The following ADGRD1 variants were observed in gnomAD, a reference collection of about 807,000 sequenced individuals.
ADGRD1 encodes the protein adhesion G protein-coupled receptor D1, also known as G-protein coupled receptor 133.
Under a neutral mutation model 113.4 loss-of-function variants are expected in ADGRD1, and 77 were observed. The observed-to-expected ratio is 0.68, with a 90% CI of 0.57 to 0.82. The LOEUF is 0.82. ADGRD1 is among the 40% of genes least tolerant of loss of function. ADGRD1 has a pLI of 0.00. For missense variants in ADGRD1, 1,036 were observed against 1,139.1 expected, an observed-to-expected ratio of 0.91 and a Z score of 1.30; for synonymous variants, 474 against 475.0, an observed-to-expected ratio of 1.00 and a Z score of 0.03.
chr12:130,981,059 C>G (rs1872924021), intron 4 of ADGRD1: 1 of 152,222 alleles, frequency 6.6e-6, no homozygotes, highest in Non-Finnish European at 1.5e-5. Context: ...CCCTCTGTAT[C>G]CAACTGCGGG....
At chr12:130,979,558 A>G (rs183175248) in intron 4 of ADGRD1, among the ~76,000 whole-genome samples, 7 of 152,210 alleles carry the variant, frequency 4.6e-5, no homozygotes, top group Admixed American at 4.6e-4. Flanking sequence ...GACTGTGTCC[A>G]TAACCTCATG....
At chr12:131,004,047 A>G in intron 10 of ADGRD1, 139 bp from the exon 11 acceptor site, 1 of 405,612 alleles carries the variant, frequency 2.5e-6, no homozygotes, top group East Asian at 3.9e-5. Context: ...TTTTGAGGCC[A>G]TGCTTTCTAA....
intron 15 of ADGRD1, among the ~76,000 whole-genome samples, chr12:131,095,192 G>A (rs1315924230): frequency 6.6e-6 from 1 of 152,230 alleles, no homozygotes; most frequent in Non-Finnish European, 1.5e-5. Flanking sequence ...CCTGCACTTC[G>A]AGGTGGAGCA....
rs775934444 is a variant in ADGRD1 at position 130,954,442 on chromosome 12, C to T, written c.-24C>T. 27 of 1,527,568 alleles carry T rather than the reference C, an allele frequency of 1.8e-5. No homozygotes were observed. The highest frequency in any genetic ancestry group is 2.1e-5 in the Non-Finnish European group (24 of 1,139,136). The allele number at this position is 1,527,568 out of a possible 1,614,324, so 94.6% of individuals were successfully genotyped here. On this transcript the variant is annotated 5_prime_UTR_variant, in exon 1 of 25. Coordinates refer to ENST00000261654, the MANE Select transcript of ADGRD1 (RefSeq NM_198827.5). This position sits in a 1 kb window ranked among gnomAD's most constrained non-coding sequence, Gnocchi z 4.7. ...GACCCTCAGGAATTTCACTTGGCTC[C>T]GAGCTTTGACCTCCGAGAGAGCCAT... is the stretch of plus-strand genomic sequence containing the variant.
At chr12:131,052,586 G>A (rs764171718) in intron 13 of ADGRD1, among the ~76,000 whole-genome samples, 94 of 152,136 alleles carry the variant, frequency 6.2e-4, no homozygotes, top group Admixed American at 9.8e-4. Context: ...AGGAGCAGTC[G>A]GGGGGGCATA....
rs573812872 is a variant in ADGRD1 at position 131,131,975 on chromosome 12, C to T, written c.2267+159C>T. Among the ~76,000 whole-genome samples, 393 of 152,342 alleles carry T rather than the reference C, an allele frequency of 2.6e-3. 2 individuals carry two copies. The highest frequency in any genetic ancestry group is 8.9e-3 in the African/African-American group (369 of 41,580). On this transcript the variant is annotated intron_variant, in intron 21 of 24. Transcript: ENST00000261654. ...CCATCTCAGGGCAGCTCTGGTTTCA[C>T]GCCCTCGCTTGGCTCTCGTGACCCA... is the stretch of plus-strand genomic sequence containing the variant.
At chr12:131,074,067 T>C (rs1885390335) in intron 13 of ADGRD1, among the ~76,000 whole-genome samples, 1 of 152,092 alleles carries the variant, frequency 6.6e-6, no homozygotes, top group African/African-American at 2.4e-5. Context: ...CTATCATGAG[T>C]ATCAAATTTT....
intron 15 of ADGRD1, among the ~76,000 whole-genome samples, chr12:131,086,752 C>A (rs1291624415): frequency 6.6e-6 from 1 of 152,242 alleles, no homozygotes; most frequent in African/African-American, 2.4e-5. Context: ...CGCGTATGAG[C>A]CTCACTCTGC....
chr12:131,138,738 G>A lies in ADGRD1; in HGVS notation c.2530-430G>A, dbSNP rs566050079. ...CTGTGTGATTTTCCATTTGCTTAGG[G>A]ACCACGTCTGCCCTGCTCCATGGGA... is the stretch of plus-strand genomic sequence containing the variant. On this transcript the variant is annotated intron_variant, in intron 24 of 24. Transcript: ENST00000261654. Among the ~76,000 whole-genome samples, 19 of 152,360 alleles carry A rather than the reference G, an allele frequency of 1.2e-4. No homozygotes were observed. The Middle Eastern group carries it at 0.017, about 136-fold the overall frequency.
chr12:130,994,836 C>A (rs1307044744), intron 8 of ADGRD1, among the ~76,000 whole-genome samples: 1 of 152,188 alleles, frequency 6.6e-6, no homozygotes, highest in Non-Finnish European at 1.5e-5. Flanking sequence ...CGGGCATTGC[C>A]CCTGCCCTCG....
In ADGRD1 at chr12:131,016,222, A is replaced by G. The variant is rs184427227; in HGVS notation, c.1473+1882A>G. ...TCAGCTCTGTATGCTATAATCATTT[A>G]TGCTAATCAGTAATCCCTTAAATGG... On this transcript the variant is annotated intron_variant, in intron 13 of 24. Transcript: ENST00000261654. Among the ~76,000 whole-genome samples, 222 of 152,350 alleles carry G rather than the reference A, an allele frequency of 1.5e-3. 1 individual carries two copies. The highest frequency in any genetic ancestry group is 2.4e-3 in the Non-Finnish European group (161 of 68,038).
At position 130,966,774 on chromosome 12, in the gene ADGRD1, G is replaced by A. The variant is rs1247933778; in HGVS notation, c.187+228G>A. ...TGAACAAATACTTGTGTAACTTCCCGTAATAGTTATTTCAAAGCTTTTTTT... is the reference window on the plus strand; with the variant it reads ...TGAACAAATACTTGTGTAACTTCCCATAATAGTTATTTCAAAGCTTTTTTT... On this transcript the variant is annotated intron_variant, in intron 3 of 24. Coordinates refer to ENST00000261654, the MANE Select transcript of ADGRD1 (RefSeq NM_198827.5). The surrounding 1 kb of genome is among the most constrained non-coding windows in gnomAD (Gnocchi z 4.6). 5 of 521,282 alleles carry A rather than the reference G, an allele frequency of 9.6e-6. No individual in the cohort carries two copies. Among genetic ancestry groups the A allele is most frequent in the Admixed American group, 3.4e-5 (1 of 29,268 alleles). The allele number at this position is 521,282 out of a possible 1,614,324, so 32.3% of individuals were successfully genotyped here.
At chr12:130,999,532 G>T (rs1024086091) in intron 8 of ADGRD1, among the ~76,000 whole-genome samples, 1 of 152,204 alleles carries the variant, frequency 6.6e-6, no homozygotes, top group Non-Finnish European at 1.5e-5. Flanking sequence ...GAGGAAGAAC[G>T]TGAGTATTCT....
At chr12:130,963,732 A>G (rs1245520905) in intron 2 of ADGRD1, among the ~76,000 whole-genome samples, 2 of 152,210 alleles carry the variant, frequency 1.3e-5, no homozygotes, top group Non-Finnish European at 2.9e-5. Flanking sequence ...TGATACTATT[A>G]AAAAATTCTA....
At chr12:131,037,425 C>T (rs1881619816) in intron 13 of ADGRD1, among the ~76,000 whole-genome samples, 1 of 144,312 alleles carries the variant, frequency 6.9e-6, no homozygotes, top group South Asian at 2.3e-4. Flanking sequence ...CACTGGGTCT[C>T]ACTGCACCAG....
chr12:130,986,825 T>C (rs1873747660), intron 5 of ADGRD1: 1 of 427,094 alleles, frequency 2.3e-6, no homozygotes, highest in Non-Finnish European at 4.2e-6. Context: ...TTGTGGGCAT[T>C]TGAATTTGTA....
chr12:130,990,870 A>G (rs560251287), intron 6 of ADGRD1, 144 bp from the exon 7 acceptor site: 6 of 598,052 alleles, frequency 1.0e-5, no homozygotes, highest in Non-Finnish European at 1.8e-5. Flanking sequence ...CCCATAATTT[A>G]TCTCCAGCAA....
chr12:131,115,120 C>T (rs1417350023), intron 18 of ADGRD1, among the ~76,000 whole-genome samples: 1 of 152,190 alleles, frequency 6.6e-6, no homozygotes, highest in Non-Finnish European at 1.5e-5. Context: ...GCGGGCAAGG[C>T]TGCAATAACA....
intron 13 of ADGRD1, among the ~76,000 whole-genome samples, chr12:131,019,912 A>C (rs1195911): frequency 0.014 from 491 of 34,016 alleles, 129 homozygotes; most frequent in East Asian, 0.052. Flanking sequence ...GAGCTCCATC[A>C]AGGGCAGGGG....
Sources: gnomAD v4.1 joint callset for allele counts (sites outside exome capture counted in the v4.1 genomes callset) on GRCh38, gnomAD v4.1.1 for gene constraint, Gnocchi (gnomAD v3.1) non-coding constraint, MANE v1.5 for transcripts, NCBI Gene and HGNC (gene_info 2026-07-23, HGNC 2026-07-21) for gene names.